The following HMGCLL1 variants were observed in gnomAD, a reference collection of about 807,000 sequenced individuals.
HMGCLL1 encodes 3-hydroxymethyl-3-methylglutaryl-CoA lyase, cytoplasmic.
In HMGCLL1, 36 loss-of-function variants were observed where a neutral mutation model predicts 39.1. The observed-to-expected ratio is 0.92, with a 90% CI of 0.71 to 1.22. The LOEUF (loss-of-function observed/expected upper bound fraction) is 1.22. Ranked by LOEUF, HMGCLL1 falls within the 50% of genes most tolerant of loss-of-function variation. The probability of loss-of-function intolerance (pLI) is 0.00; values close to 1 mark genes in which losing one functional copy is unlikely to be tolerated. For synonymous variants in HMGCLL1, 149 were observed against 144.0 expected, an observed-to-expected ratio of 1.03 and a Z score of -0.25; for missense variants, 451 against 416.5, an observed-to-expected ratio of 1.08 and a Z score of -0.72.
At chr6:55,633,255 T>TTGC in the HMGCLL1 span, among the ~76,000 whole-genome samples, 1 of 151,782 alleles carries the variant, frequency 6.6e-6, no homozygotes, top group Non-Finnish European at 1.5e-5. Flanking sequence ...GTAATATAAA[T>TTGC]AAGAGAATAC....
At chr6:55,577,472 T>C (rs1771817250) in intron 1 of HMGCLL1, among the ~76,000 whole-genome samples, 1 of 152,132 alleles carries the variant, frequency 6.6e-6, no homozygotes, top group Non-Finnish European at 1.5e-5. Context: ...GCCAAAAAAG[T>C]CTTCATTAAG....
At chr6:55,612,488 G>C in the HMGCLL1 span, among the ~76,000 whole-genome samples, 1 of 152,098 alleles carries the variant, frequency 6.6e-6, no homozygotes, top group Non-Finnish European at 1.5e-5. Context: ...AACCTGTATA[G>C]AAAAGACAAT....
the HMGCLL1 span, among the ~76,000 whole-genome samples, chr6:55,603,657 A>G: frequency 1.3e-5 from 2 of 152,160 alleles, no homozygotes; most frequent in African/African-American, 4.8e-5. Context: ...AACTGGTAGT[A>G]TCTTTCCTAT....
At chr6:55,558,767 T>C (rs1446724870) in intron 1 of HMGCLL1, among the ~76,000 whole-genome samples, 1 of 152,182 alleles carries the variant, frequency 6.6e-6, no homozygotes, top group Non-Finnish European at 1.5e-5. Context: ...AAAAGGAACT[T>C]TGCTTTCAAC....
the HMGCLL1 span, among the ~76,000 whole-genome samples, chr6:55,603,007 G>A: frequency 5.9e-5 from 9 of 152,040 alleles, no homozygotes; most frequent in Non-Finnish European, 1.2e-4. Flanking sequence ...ATGTAATGAT[G>A]CTGCTGCTGT....
At chr6:55,550,855 T>C (rs1770288768) in intron 1 of HMGCLL1, among the ~76,000 whole-genome samples, 1 of 151,630 alleles carries the variant, frequency 6.6e-6, no homozygotes, top group Non-Finnish European at 1.5e-5. Flanking sequence ...GTAAAAATCT[T>C]ACAATGCACA....
chr6:55,555,306 C>T (rs1770592348), intron 1 of HMGCLL1, among the ~76,000 whole-genome samples: 2 of 151,980 alleles, frequency 1.3e-5, no homozygotes, highest in African/African-American at 4.8e-5. Flanking sequence ...AGGGGCTCTA[C>T]TCCTTAAAAA....
At chr6:55,619,508 G>C in the HMGCLL1 span, among the ~76,000 whole-genome samples, 1 of 151,780 alleles carries the variant, frequency 6.6e-6, no homozygotes, top group Non-Finnish European at 1.5e-5. Flanking sequence ...TATTTATTTG[G>C]TTCTTCAACA....
intron 8 of HMGCLL1, 125 bp from the exon 9 acceptor site, chr6:55,435,888 G>T (rs77744900): frequency 0.012 from 5,525 of 465,544 alleles, 260 homozygotes; most frequent in African/African-American, 0.1. Context: ...AAGTGGTGTT[G>T]GTCATTATCA....
In HMGCLL1 at chr6:55,477,261, AT is replaced by A. The variant is rs1388479032; in HGVS notation, c.795+18157del. ...TATATTTATATAATATATAATATATATTATATAATATATATTATATATTATA... is the reference window on the plus strand; with the variant it reads ...TATATTTATATAATATATAATATATATATATAATATATATTATATATTATA... On this transcript the variant is annotated intron_variant, in intron 7 of 8. Transcript: ENST00000274901. Among the ~76,000 whole-genome samples the A allele has an allele frequency of 1.3e-4, 3 of 22,900 alleles. 1 individual carries two copies. The highest frequency in any genetic ancestry group is 6.1e-3 in the East Asian group (2 of 328). The allele number at this position is 22,900 out of a possible 152,430, so 15.0% of individuals were successfully genotyped here.
chr6:55,555,833 A>G (rs1770628765), intron 1 of HMGCLL1, among the ~76,000 whole-genome samples: 1 of 152,218 alleles, frequency 6.6e-6, no homozygotes, highest in South Asian at 2.1e-4. Flanking sequence ...AAATTTCGAC[A>G]AAAGGAAGAT....
At chr6:55,520,886 A>G (rs1768004295) in intron 3 of HMGCLL1, among the ~76,000 whole-genome samples, 1 of 152,072 alleles carries the variant, frequency 6.6e-6, no homozygotes, top group South Asian at 2.1e-4. Context: ...GCCAAAAAAA[A>G]AAAATAGGCC....
intron 7 of HMGCLL1, among the ~76,000 whole-genome samples, chr6:55,463,277 C>G (rs1379631029): frequency 1.3e-5 from 2 of 151,988 alleles, no homozygotes; most frequent in East Asian, 3.9e-4. Flanking sequence ...GGCAAACCGC[C>G]TACCTCGGCC....
intron 7 of HMGCLL1, among the ~76,000 whole-genome samples, chr6:55,459,843 G>GT (rs1257414833): frequency 6.6e-6 from 1 of 151,806 alleles, no homozygotes; most frequent in African/African-American, 2.4e-5. Flanking sequence ...ATATAGGTAG[G>GT]TAAATATATA....
chr6:55,496,016 G>A (rs1475758403), intron 6 of HMGCLL1, among the ~76,000 whole-genome samples: 1 of 144,264 alleles, frequency 6.9e-6, no homozygotes, highest in Non-Finnish European at 1.5e-5. Flanking sequence ...ATAGTAATAA[G>A]AGATCTTCAT....
intron 5 of HMGCLL1, chr6:55,512,303 C>T (rs191553686): frequency 1.3e-5 from 2 of 152,206 alleles, no homozygotes; most frequent in Admixed American, 1.3e-4. Flanking sequence ...ATACTCCACA[C>T]TTTAAACACA....
chr6:55,586,251 G>A, the HMGCLL1 span, among the ~76,000 whole-genome samples: 5 of 152,158 alleles, frequency 3.3e-5, no homozygotes, highest in South Asian at 1.0e-3. Context: ...ATGATAATAA[G>A]AGAACACTTC....
At chr6:55,676,039 G>T in the HMGCLL1 span, among the ~76,000 whole-genome samples, 1 of 151,970 alleles carries the variant, frequency 6.6e-6, no homozygotes, top group African/African-American at 2.4e-5. Flanking sequence ...CCTGAAGATT[G>T]GCCTTATGTG....
intron 3 of HMGCLL1, among the ~76,000 whole-genome samples, chr6:55,528,632 G>A (rs2127446893): frequency 8.5e-6 from 1 of 117,046 alleles, no homozygotes; most frequent in Non-Finnish European, 1.9e-5. Context: ...CTGGAAAATT[G>A]AACATCCAGT....
Sources: allele counts gnomAD v4.1 joint callset (sites outside exome capture counted in the v4.1 genomes callset), GRCh38; gene constraint gnomAD v4.1.1; transcripts MANE v1.5; gene names NCBI Gene and HGNC (gene_info 2026-07-23, HGNC 2026-07-21).